SIGLEC14: variants seen among roughly 807,000 people sequenced by gnomAD.
SIGLEC14 encodes sialic acid binding Ig like lectin 14.
A neutral mutation model predicts 34.2 loss-of-function variants in SIGLEC14; 11 were observed. That is an observed-to-expected ratio of 0.32 (90% CI 0.20 to 0.53). The LOEUF (loss-of-function observed/expected upper bound fraction) is 0.53. SIGLEC14 is among the 20% of genes least tolerant of loss of function. SIGLEC14 has a pLI of 0.95. For missense variants in SIGLEC14, 264 were observed against 439.0 expected, an observed-to-expected ratio of 0.60 and a Z score of 3.56; for synonymous variants, 99 against 179.7, an observed-to-expected ratio of 0.55 and a Z score of 3.59.
intron 6 of SIGLEC14, 54 bp downstream of exon 6, chr19:51,643,483 G>GGGGGGGGGGCCCCCCCCCCC: frequency 7.7e-7 from 1 of 1,297,882 alleles, no homozygotes. Context: ...GGGCAGGACA[G>GGGGGGGGGGCCCCCCCCCCC]CTCAGCCCCA....
chr19:51,645,761 T>A, intron 3 of SIGLEC14, 21 bp downstream of exon 3: 1 of 1,521,226 alleles, frequency 6.6e-7, no homozygotes, highest in Non-Finnish European at 8.8e-7. Context: ...GGGACTCAGC[T>A]GTGTCCCCAG....
rs541523144 is a variant in SIGLEC14 at position 51,644,880 on chromosome 19, G to A, written c.754+597C>T. ...AGAGATCGGATTACTCAGGAATGTG[G>A]AGGGGAAGAACTGGGTTCTGGGACA... is the stretch of plus-strand genomic sequence containing the variant. On this transcript the variant is annotated intron_variant, in intron 4 of 6. Coordinates refer to ENST00000360844, the MANE Select transcript of SIGLEC14 (RefSeq NM_001098612.3). Among the ~76,000 whole-genome samples the A allele has an allele frequency of 1.4e-3, 192 of 137,458 alleles. 24 individuals carry two copies. The highest frequency in any genetic ancestry group is 7.2e-3 in the South Asian group (29 of 4,010). The allele number at this position is 137,458 out of a possible 152,430, so 90.2% of individuals were successfully genotyped here.
rs1281725441 is a variant in SIGLEC14, at chr19:51,639,623, G to A, written c.*3732C>T. ...GTGGTATCCTCACATGGCAGAAGAG[G>A]AAAACACACTTCCTTCTGTTTCTTT... On this transcript the variant is annotated 3_prime_UTR_variant, in exon 7 of 7. Coordinates refer to ENST00000360844, the MANE Select transcript of SIGLEC14 (RefSeq NM_001098612.3). The A allele has an allele frequency of 2.2e-5, 3 of 139,076 alleles. No individual in the cohort carries two copies. Among genetic ancestry groups the A allele is most frequent in the African/African-American group, 5.4e-5 (2 of 36,724 alleles). 8.6% of individuals were successfully genotyped at this position (139,076 alleles called of 1,614,324 possible).
chr19:51,643,007 G>C lies in SIGLEC14; in HGVS notation c.*348C>G, dbSNP rs2122122648. ...CCACTGAACTCCAGCCTGTGCAACA[G>C]AGTGAGACTCTGTCTCAAAAAAAAA... On this transcript the variant is annotated 3_prime_UTR_variant, in exon 7 of 7. Transcript: ENST00000360844. 1 of 194,386 alleles carries C rather than the reference G, an allele frequency of 5.1e-6. No individual in the cohort carries two copies. Among genetic ancestry groups the C allele is most frequent in the East Asian group, 4.5e-4 (1 of 2,242 alleles). The allele number at this position is 194,386 out of a possible 1,614,324, so 12.0% of individuals were successfully genotyped here.
Position 51,640,367 on chromosome 19 carries a change from A to G in SIGLEC14, c.*2988T>C, listed in dbSNP as rs1983881918. On this transcript the variant is annotated 3_prime_UTR_variant, in exon 7 of 7. Coordinates refer to ENST00000360844, the MANE Select transcript of SIGLEC14 (RefSeq NM_001098612.3). The stretch of plus-strand genomic sequence containing the variant: ...AGCTACAGTGCAGAAAGTGGCTGCT[A>G]AAATTCTAATACAACTCCTTCCATC... Among the ~76,000 whole-genome samples the G allele has an allele frequency of 7.2e-6, 1 of 139,254 alleles. No homozygotes were observed. The highest frequency in any genetic ancestry group is 6.9e-5 in the Admixed American group (1 of 14,414). The allele number at this position is 139,254 out of a possible 152,430, so 91.4% of individuals were successfully genotyped here.
rs906802855 is a variant in SIGLEC14 at position 51,643,592 on chromosome 19, G to C, written c.1093C>G (p.Leu365Val). 6.5e-7 allele frequency: 1 copy of C among 1,529,878 alleles called. No homozygotes were observed. The highest frequency in any genetic ancestry group is 8.8e-7 in the Non-Finnish European group (1 of 1,140,394). The allele number at this position is 1,529,878 out of a possible 1,614,324, so 94.8% of individuals were successfully genotyped here. ...PLVLTLIRGALMGAGFLLTYG... is the reference protein window; with the variant it reads ...PLVLTLIRGAVMGAGFLLTYG... The stretch of plus-strand genomic sequence containing the variant: ...GTGAGGAGGAAGCCAGCCCCCATGA[G>C]AGCCCCCCTGATCAGGGTGAGGACG... Residue 365 changes from leucine to valine, a missense_variant, in exon 6 of 7, where the codon CTC becomes GTC. Leu to Val is a conservative substitution (Grantham distance 32). This residue lies in a region of SIGLEC14 where 149 missense variants were observed against 184.4 expected (regional missense o/e 0.81). Coordinates refer to ENST00000360844, the MANE Select transcript of SIGLEC14 (RefSeq NM_001098612.3).
In SIGLEC14 at chr19:51,646,110, A is replaced by C. The variant is rs1221162563; in HGVS notation, c.422-50T>G. The C allele has an allele frequency of 3.6e-6, 3 of 834,522 alleles. No homozygotes were observed. In the Admixed American group the frequency reaches 8.9e-5, roughly 25 times the overall value. The allele number at this position is 834,522 out of a possible 1,614,324, so 51.7% of individuals were successfully genotyped here. On this transcript the variant is annotated intron_variant, in intron 2 of 6. Coordinates refer to ENST00000360844, the MANE Select transcript of SIGLEC14 (RefSeq NM_001098612.3). ...TGGGCCCCAGGGGCTTGAGGACGTA[A>C]GGTGTGACCCCGAGAGTGGCCAGGC...
rs1227594813 is a variant in SIGLEC14, at chr19:51,646,355, G to A, written c.323C>T (p.Ala108Val). The A allele has an allele frequency of 6.6e-6, 8 of 1,220,154 alleles. No homozygotes were observed. In the Admixed American group the frequency reaches 1.7e-4, roughly 26 times the overall value. 75.6% of individuals were successfully genotyped at this position (1,220,154 alleles called of 1,614,324 possible). Residue 108 changes from alanine (A) to valine (V), a missense_variant, in exon 2 of 7, where the codon GCC becomes GTC. By Grantham distance (64) the Ala-to-Val change is moderately conservative. Transcript: ENST00000360844. The part of the protein sequence containing the change: ...KKNCSLSIGD[A>V]RMEDTGSYFF... ...ATAGCTTCCCGTGTCCTCCATTCTGGCATCTCCGATGCTCAGGGAGCAGTT... is the reference window on the plus strand; with the variant it reads ...ATAGCTTCCCGTGTCCTCCATTCTGACATCTCCGATGCTCAGGGAGCAGTT...
rs1171227906 is a variant in SIGLEC14 at position 51,640,645 on chromosome 19, A to G, written c.*2710T>C. ...ACAAAGTACACTTAAGAGCAAAGAA[A>G]ATCACAGGAACAAAAAGTGATGTTA... On this transcript the variant is annotated 3_prime_UTR_variant, in exon 7 of 7. Coordinates refer to ENST00000360844, the MANE Select transcript of SIGLEC14 (RefSeq NM_001098612.3). Among the ~76,000 whole-genome samples, 2 of 139,854 alleles carry G rather than the reference A, an allele frequency of 1.4e-5. No homozygotes were observed. Among genetic ancestry groups the G allele is most frequent in the African/African-American group, 5.4e-5 (2 of 36,930 alleles). The allele number at this position is 139,854 out of a possible 152,430, so 91.7% of individuals were successfully genotyped here.
chr19:51,645,253 A>G lies in SIGLEC14; in HGVS notation c.754+224T>C, dbSNP rs917608481. Among the ~76,000 whole-genome samples, 24 of 139,454 alleles carry G rather than the reference A, an allele frequency of 1.7e-4. 6 individuals are homozygous for G. Among genetic ancestry groups the G allele is most frequent in the African/African-American group, 6.5e-4 (24 of 36,668 alleles). The allele number at this position is 139,454 out of a possible 152,430, so 91.5% of individuals were successfully genotyped here. On this transcript the variant is annotated intron_variant, in intron 4 of 6. Coordinates refer to ENST00000360844, the MANE Select transcript of SIGLEC14 (RefSeq NM_001098612.3). ...TTTGTGCTATGTGTATTTTCTCACA[A>G]TGAAAAAATAAATCTGAAAAAGAGA...
chr19:51,643,483 G>GGGGGGGGGGGGCACCCCCCCCCC, intron 6 of SIGLEC14, 54 bp downstream of exon 6: 2 of 1,297,888 alleles, frequency 1.5e-6, no homozygotes, highest in Non-Finnish European at 2.0e-6. Context: ...GGGCAGGACA[G>GGGGGGGGGGGGCACCCCCCCCCC]CTCAGCCCCA....
At chr19:51,644,086 TC>T in intron 4 of SIGLEC14, 50 bp from the exon 5 acceptor site, 1 of 1,428,010 alleles carries the variant, frequency 7.0e-7, no homozygotes, top group Non-Finnish European at 9.2e-7. Context: ...GGCCCAATTC[TC>T]CCTCATTCCT....
intron 4 of SIGLEC14, 130 bp downstream of exon 4, chr19:51,645,347 G>C (rs1600111162): frequency 1.3e-6 from 1 of 747,606 alleles, no homozygotes; most frequent in East Asian, 4.5e-5. Flanking sequence ...ACTGGGATTG[G>C]GGGGTTGGGA....
At chr19:51,645,442 C>T (rs778615148) in intron 4 of SIGLEC14, 35 bp downstream of exon 4, 8 of 1,500,674 alleles carry the variant, frequency 5.3e-6, no homozygotes, top group Non-Finnish European at 7.2e-6. Flanking sequence ...AGAAGGCTCC[C>T]ATCACAGCCC....
In SIGLEC14 at chr19:51,643,343, A is replaced by G. The variant is rs1289749073; in HGVS notation, c.*12T>C. ...GTGTCCACACCTCAGTTCTGTCTTG[A>G]GCGGGAGGGGCTCAGCCAGGCCTCT... On this transcript the variant is annotated 3_prime_UTR_variant, in exon 7 of 7. Transcript: ENST00000360844. 42 of 1,524,026 alleles carry G rather than the reference A, an allele frequency of 2.8e-5. 4 individuals are homozygous for G. Among genetic ancestry groups the G allele is most frequent in the Non-Finnish European group, 3.3e-5 (38 of 1,138,020 alleles). The allele number at this position is 1,524,026 out of a possible 1,614,324, so 94.4% of individuals were successfully genotyped here.
rs1449852828 is a variant in SIGLEC14, at chr19:51,640,365, C to T, written c.*2990G>A. ...AGAGCTACAGTGCAGAAAGTGGCTG[C>T]TAAAATTCTAATACAACTCCTTCCA... is the stretch of plus-strand genomic sequence containing the variant. On this transcript the variant is annotated 3_prime_UTR_variant, in exon 7 of 7. Transcript: ENST00000360844. Among the ~76,000 whole-genome samples, 1 of 138,860 alleles carries T rather than the reference C, an allele frequency of 7.2e-6. No individual in the cohort carries two copies. Among genetic ancestry groups the T allele is most frequent in the Non-Finnish European group, 1.5e-5 (1 of 64,950 alleles). The allele number at this position is 138,860 out of a possible 152,430, so 91.1% of individuals were successfully genotyped here. A position where few individuals can be genotyped will look rare whatever the true frequency, so the allele number is the denominator to read the frequency against.
In SIGLEC14 at chr19:51,643,819, C is replaced by CGGAT; in HGVS notation, c.968_971dup (p.Leu325SerfsTer25). ...TGAAGGACAGGTGCTGGGAGCCCAG[C>CGGAT]GGATGCTGAACCCGGCAGGTGAATT... On this transcript the variant is annotated frameshift_variant, in exon 5 of 7. Coordinates refer to ENST00000360844, the MANE Select transcript of SIGLEC14 (RefSeq NM_001098612.3). LOFTEE classifies it high-confidence loss of function. 6.5e-7 allele frequency: 1 copy of CGGAT among 1,527,986 alleles called. No individual in the cohort carries two copies. The highest frequency in any genetic ancestry group is 8.8e-7 in the Non-Finnish European group (1 of 1,137,708). The allele number at this position is 1,527,986 out of a possible 1,614,324, so 94.7% of individuals were successfully genotyped here.
rs767954709 is a variant in SIGLEC14, at chr19:51,644,021, C to T, written c.770G>A (p.Ser257Asn). Residue 257 changes from serine to asparagine, a missense_variant, in exon 5 of 7, where the codon AGC becomes AAC. Ser to Asn is a conservative substitution (Grantham distance 46, BLOSUM62 1). Around this residue, in one of 5 missense-constraint regions of SIGLEC14, gnomAD observed 149 missense variants for 184.4 expected, o/e 0.81. Coordinates refer to ENST00000360844, the MANE Select transcript of SIGLEC14 (RefSeq NM_001098612.3). ...NGTGTALRIL[S>N]NGMSVPIQEG... ...CTGGATGGGCACCGACATGCCATTG[C>T]TCAGGATCCGCAGGGCTGGGAAAGA... The T allele has an allele frequency of 3.3e-6, 5 of 1,516,802 alleles. 1 individual carries two copies. The highest frequency in any genetic ancestry group is 4.4e-6 in the Non-Finnish European group (5 of 1,132,278). The allele number at this position is 1,516,802 out of a possible 1,614,324, so 94.0% of individuals were successfully genotyped here.
rs150105779 is a variant in SIGLEC14, at chr19:51,639,549, G to A, written c.*3806C>T. The stretch of plus-strand genomic sequence containing the variant: ...GGAAGTCCAAGATCAAGGTGCCAGC[G>A]GATTCAGTGTCTGGAGAGAATTATT... On this transcript the variant is annotated 3_prime_UTR_variant, in exon 7 of 7. Coordinates refer to ENST00000360844, the MANE Select transcript of SIGLEC14 (RefSeq NM_001098612.3). 1.0e-4 allele frequency: 14 copies of A among 139,522 alleles called. 2 individuals are homozygous for A. Among genetic ancestry groups the A allele is most frequent in the Non-Finnish European group, 1.8e-4 (12 of 64,932 alleles). The allele number at this position is 139,522 out of a possible 1,614,324, so 8.6% of individuals were successfully genotyped here. A position where few individuals can be genotyped will look rare whatever the true frequency, so the allele number is the denominator to read the frequency against.
Sources: gnomAD v4.1 joint callset for allele counts (sites outside exome capture counted in the v4.1 genomes callset) on GRCh38, gnomAD v4.1.1 for gene constraint, gnomAD v4.1.1 regional missense constraint, MANE v1.5 for transcripts, NCBI Gene and HGNC (gene_info 2026-07-23, HGNC 2026-07-21) for gene names.